Variants in GSN observed in about 807,000 individuals in gnomAD.
The protein encoded by GSN is actin-depolymerizing factor.
In GSN, 56 loss-of-function variants were observed where a neutral mutation model predicts 85.7. The observed-to-expected ratio is 0.65, with a 90% CI of 0.53 to 0.82. GSN has a LOEUF of 0.82. GSN is among the 40% of genes least tolerant of loss of function. The pLI, the probability that GSN is intolerant of heterozygous loss-of-function variation, is 0.00. For synonymous variants in GSN, 373 were observed against 399.1 expected, an observed-to-expected ratio of 0.93 and a Z score of 0.78; for missense variants, 857 against 979.8, an observed-to-expected ratio of 0.87 and a Z score of 1.67.
chr9:121,228,992 T>C (rs1226222069), intron 4 of GSN, among the ~76,000 whole-genome samples: 1 of 152,200 alleles, frequency 6.6e-6, no homozygotes, highest in East Asian at 1.9e-4. Context: ...GCTTTCTACA[T>C]AATCATGATG....
chr9:121,303,180 C>A, intron 4 of GSN, 115 bp downstream of exon 4: 1 of 1,018,352 alleles, frequency 9.8e-7, no homozygotes, highest in Non-Finnish European at 1.5e-6. Context: ...GATCAGAGGT[C>A]AGGCTTTGGA....
intron 1 of GSN, among the ~76,000 whole-genome samples, chr9:121,272,010 G>A (rs946763792): frequency 6.6e-6 from 1 of 152,220 alleles, no homozygotes; most frequent in Non-Finnish European, 1.5e-5. Context: ...AGAAAAGCAC[G>A]TCCCAGGGGT....
At chr9:121,223,425 C>T (rs576271377) in intron 4 of GSN, among the ~76,000 whole-genome samples, 11 of 152,130 alleles carry the variant, frequency 7.2e-5, no homozygotes, top group African/African-American at 2.7e-4. Context: ...GGAAAGACCC[C>T]TATAGAATCA....
At chr9:121,217,830 ATTATT>A (rs1196278909) in intron 4 of GSN, among the ~76,000 whole-genome samples, 136 of 148,568 alleles carry the variant, frequency 9.2e-4, no homozygotes, top group African/African-American at 3.2e-3. Flanking sequence ...TATTATTATT[ATTATT>A]ATAACCTCAA....
chr9:121,254,251 GC>G (rs1270339907), intron 6 of GSN, among the ~76,000 whole-genome samples: 2 of 152,324 alleles, frequency 1.3e-5, no homozygotes, highest in Admixed American at 1.3e-4. Context: ...AAACAGCTCA[GC>G]TTTGATCCTA....
chr9:121,314,205 A>G lies in GSN; in HGVS notation c.753+182A>G, dbSNP rs2061476800. Reference sequence around the variant, plus strand: ...TCCTTTGCTTTCCTGCACTAAGAGCATGCGATCAACTCCGTACATATCTGT... The same window carrying G: ...TCCTTTGCTTTCCTGCACTAAGAGCGTGCGATCAACTCCGTACATATCTGT... On this transcript the variant is annotated intron_variant, in intron 7 of 17. Transcript: ENST00000432226. 2.0e-5 allele frequency among the ~76,000 whole-genome samples: 3 copies of G among 152,240 alleles called. No individual in the cohort carries two copies. The South Asian group carries it at 6.2e-4, about 31-fold the overall frequency.
At chr9:121,225,311 AAGG>A (rs2054252590) in intron 4 of GSN, among the ~76,000 whole-genome samples, 1 of 152,248 alleles carries the variant, frequency 6.6e-6, no homozygotes, top group African/African-American at 2.4e-5. Flanking sequence ...TGAAAGACAA[AAGG>A]AGAATTCACC....
chr9:121,329,143 T>TGCA lies in GSN; in HGVS notation c.1888-92_1888-90dup. 4 of 1,479,130 alleles carry TGCA rather than the reference T, an allele frequency of 2.7e-6. No individual in the cohort carries two copies. Among genetic ancestry groups the TGCA allele is most frequent in the Non-Finnish European group, 3.8e-6 (4 of 1,062,606 alleles). The allele number at this position is 1,479,130 out of a possible 1,614,324, so 91.6% of individuals were successfully genotyped here. On this transcript the variant is annotated intron_variant, in intron 15 of 17. Transcript: ENST00000432226. The surrounding 1 kb of genome is among the most constrained non-coding windows in gnomAD (Gnocchi z 4.6). ...ACAGAGGAAGGGGCCCCCTGCCAGC[T>TGCA]GCAGCCAGCTGTGCCACTCCCTCAG...
chr9:121,316,038 A>T (rs2061671776), intron 7 of GSN, among the ~76,000 whole-genome samples: 1 of 152,248 alleles, frequency 6.6e-6, no homozygotes, highest in Non-Finnish European at 1.5e-5. Context: ...AATAATTATT[A>T]TTTAAAGGAC....
At position 121,317,107 on chromosome 9, in the gene GSN, A is replaced by C. The variant is rs1156902746; in HGVS notation, c.775A>C (p.Met259Leu). The C allele has an allele frequency of 6.2e-7, 1 of 1,614,176 alleles. No individual in the cohort carries two copies. Residue 259 changes from methionine (M) to leucine (L), a missense_variant, in exon 8 of 18, where the codon ATG (methionine) becomes CTG (leucine). By Grantham distance (15) the Met-to-Leu change is conservative (BLOSUM62 2). Coordinates refer to ENST00000432226, the MANE Select transcript of GSN (RefSeq NM_198252.3). ...TCAGGTCTCCAATGGTGCAGGGACC[A>C]TGTCCGTCTCCCTCGTGGCTGATGA... ...LYKVSNGAGT[M>L]SVSLVADENP...
intron 12 of GSN, among the ~76,000 whole-genome samples, chr9:121,325,991 G>A (rs142069485): frequency 4.7e-3 from 713 of 151,804 alleles, no homozygotes; most frequent in Non-Finnish European, 8.0e-3. Flanking sequence ...GTAAGGTGCC[G>A]CACACAGGGC....
At chr9:121,252,670 T>G (rs2054865193) in intron 6 of GSN, among the ~76,000 whole-genome samples, 4 of 152,212 alleles carry the variant, frequency 2.6e-5, no homozygotes, top group African/African-American at 9.7e-5. Flanking sequence ...GTCTTCCAAG[T>G]GCAACTTCAA....
intron 2 of GSN, among the ~76,000 whole-genome samples, chr9:121,289,655 AG>A (rs1460143321): frequency 2.6e-5 from 4 of 152,190 alleles, no homozygotes; most frequent in African/African-American, 9.7e-5. Flanking sequence ...AAGCCCCAGT[AG>A]CCCGGTGAGG....
Position 121,327,428 on chromosome 9 carries a change from C to T in GSN, c.1708C>T (p.Leu570=). The T allele has an allele frequency of 6.2e-7, 1 of 1,607,850 alleles. No individual in the cohort carries two copies. Among genetic ancestry groups the T allele is most frequent in the Non-Finnish European group, 8.5e-7 (1 of 1,176,976 alleles). Residue 570 remains leucine, a synonymous_variant, in exon 14 of 18, where the codon CTG becomes TTG. Coordinates refer to ENST00000432226, the MANE Select transcript of GSN (RefSeq NM_198252.3). ...SEAEKTGAQE[L]LRVLRAQPVQ... is the part of the protein sequence containing the mutation. Reference sequence around the variant, plus strand: ...GGCAGAGAAGACGGGGGCCCAGGAGCTGCTCAGGGTGCTGCGGGCCCAACC... The same window carrying T: ...GGCAGAGAAGACGGGGGCCCAGGAGTTGCTCAGGGTGCTGCGGGCCCAACC...
intron 4 of GSN, among the ~76,000 whole-genome samples, chr9:121,227,764 C>T (rs937667891): frequency 5.9e-5 from 9 of 152,180 alleles, no homozygotes; most frequent in African/African-American, 1.7e-4. Flanking sequence ...ATACACACTT[C>T]GGTTTTTTGG....
chr9:121,308,484 A>G (rs2060676757), intron 4 of GSN: 1 of 152,266 alleles, frequency 6.6e-6, no homozygotes, highest in Non-Finnish European at 1.5e-5. Context: ...GTTCGAGACC[A>G]GCCTGGCCAA....
At chr9:121,292,268 G>A (rs1486957528) in intron 2 of GSN, among the ~76,000 whole-genome samples, 2 of 152,196 alleles carry the variant, frequency 1.3e-5, no homozygotes, top group Admixed American at 6.5e-5. Flanking sequence ...GTCATTAGGA[G>A]TCTCATGGAG....
intron 1 of GSN, among the ~76,000 whole-genome samples, chr9:121,269,304 G>C (rs1379448711): frequency 6.6e-6 from 1 of 152,170 alleles, no homozygotes; most frequent in Non-Finnish European, 1.5e-5. Flanking sequence ...TAGCTTGCTA[G>C]AATCTTACCC....
intron 2 of GSN, among the ~76,000 whole-genome samples, chr9:121,291,322 C>T (rs1362923748): frequency 1.3e-5 from 2 of 151,840 alleles, no homozygotes; most frequent in African/African-American, 4.8e-5. Flanking sequence ...TGTACAGCAT[C>T]TGCAGATTTT....
Sources: allele counts gnomAD v4.1 joint callset (sites outside exome capture counted in the v4.1 genomes callset), GRCh38; gene constraint gnomAD v4.1.1; non-coding constraint Gnocchi (gnomAD v3.1); transcripts MANE v1.5; gene names NCBI Gene and HGNC (gene_info 2026-07-23, HGNC 2026-07-21).